The following FMN2 variants were observed in gnomAD, a reference collection of about 807,000 sequenced individuals.
FMN2 encodes the protein formin 2.
Under a neutral mutation model 142.3 loss-of-function variants are expected in FMN2, and 51 were observed. That is an observed-to-expected ratio of 0.36 (90% CI 0.29 to 0.45). The LOEUF is 0.45. FMN2 is among the 20% of genes least tolerant of loss of function. The pLI, the probability that FMN2 is intolerant of heterozygous loss-of-function variation, is 1.00. For missense variants in FMN2, 1,936 were observed against 2,122.8 expected (o/e 0.91, Z 1.73); for synonymous variants, 882 against 869.8 (o/e 1.01, Z -0.25).
intron 6 of FMN2, among the ~76,000 whole-genome samples, chr1:240,220,669 G>A (rs1238115897): frequency 1.5e-5 from 1 of 65,244 alleles, no homozygotes; most frequent in African/African-American, 4.8e-5. Flanking sequence ...GTCTGTGTTT[G>A]TGTGTGTGTG....
chr1:240,354,951 C>T (rs12745566), intron 13 of FMN2, among the ~76,000 whole-genome samples: 42,652 of 151,800 alleles, frequency 0.28, 6,304 homozygotes, highest in Admixed American at 0.43. Context: ...TTACTGGCTC[C>T]GGTTTCTTGC....
At chr1:240,327,555 G>T (rs1671212308) in intron 8 of FMN2, among the ~76,000 whole-genome samples, 1 of 152,096 alleles carries the variant, frequency 6.6e-6, no homozygotes, top group Admixed American at 6.5e-5. Context: ...TAATATAGTG[G>T]TCTATTCTTA....
intron 2 of FMN2, among the ~76,000 whole-genome samples, chr1:240,164,090 G>A (rs1416575156): frequency 6.6e-6 from 1 of 152,092 alleles, no homozygotes; most frequent in Non-Finnish European, 1.5e-5. Flanking sequence ...GTAAAGGCAA[G>A]ATTTTACTAT....
chr1:240,422,012 C>T (rs1242000995), intron 15 of FMN2, among the ~76,000 whole-genome samples: 1 of 152,086 alleles, frequency 6.6e-6, no homozygotes, highest in Non-Finnish European at 1.5e-5. Context: ...GAGAACTGGA[C>T]CTGCATGGGG....
At chr1:240,334,794 A>G (rs776608627) in intron 13 of FMN2, among the ~76,000 whole-genome samples, 16 of 152,170 alleles carry the variant, frequency 1.1e-4, no homozygotes, top group Non-Finnish European at 1.9e-4. Flanking sequence ...TAGTTTGCAG[A>G]TTTTTTTATT....
At chr1:240,185,697 G>A (rs545075414) in intron 3 of FMN2, among the ~76,000 whole-genome samples, 1 of 152,310 alleles carries the variant, frequency 6.6e-6, no homozygotes, top group South Asian at 2.1e-4. Context: ...AGCATTTTAT[G>A]CATTTCTAAT....
chr1:240,257,199 T>C (rs1027243624), intron 6 of FMN2, among the ~76,000 whole-genome samples: 6 of 152,150 alleles, frequency 3.9e-5, no homozygotes, highest in Non-Finnish European at 5.9e-5. Context: ...AAAAAATATC[T>C]ATCTGTTCTG....
At chr1:240,166,864 G>A (rs1370840242) in intron 2 of FMN2, among the ~76,000 whole-genome samples, 2 of 152,224 alleles carry the variant, frequency 1.3e-5, no homozygotes, top group African/African-American at 2.4e-5. Flanking sequence ...GCTCACGCCT[G>A]TAATCCCAGA....
chr1:240,473,991 T>C lies in FMN2; in HGVS notation c.5143-137T>C. 3.0e-6 allele frequency: 2 copies of C among 665,834 alleles called. No individual in the cohort carries two copies. The highest frequency in any genetic ancestry group is 5.0e-6 in the Non-Finnish European group (2 of 403,728). 41.2% of individuals were successfully genotyped at this position (665,834 alleles called of 1,614,324 possible). A position where few individuals can be genotyped will look rare whatever the true frequency, so the allele number is the denominator to read the frequency against. On this transcript the variant is annotated intron_variant, in intron 17 of 17. Transcript: ENST00000319653. The surrounding 1 kb of genome is among the most constrained non-coding windows in gnomAD (Gnocchi z 4.3). Reference sequence around the variant, plus strand: ...AGATCCCACTTATACTTTTTTCCTTTATGGACTGGTAGACCTTTAACCTTG... The same window carrying C: ...AGATCCCACTTATACTTTTTTCCTTCATGGACTGGTAGACCTTTAACCTTG...
chr1:240,389,358 C>G (rs1354259185), intron 14 of FMN2, among the ~76,000 whole-genome samples: 12 of 152,048 alleles, frequency 7.9e-5, no homozygotes, highest in Admixed American at 7.9e-4. Context: ...TAGAAAATCA[C>G]CTTATTTTCT....
At chr1:240,178,858 T>G (rs992185489) in intron 3 of FMN2, among the ~76,000 whole-genome samples, 12 of 152,206 alleles carry the variant, frequency 7.9e-5, no homozygotes, top group Admixed American at 2.0e-4. Flanking sequence ...CATAGATTTC[T>G]CCTCCACCCG....
intron 1 of FMN2, among the ~76,000 whole-genome samples, chr1:240,115,517 C>G (rs1313437421): frequency 6.6e-6 from 1 of 152,156 alleles, no homozygotes; most frequent in Admixed American, 6.5e-5. Context: ...CCCCTTAAAG[C>G]TTTCCTTGTC....
intron 1 of FMN2, among the ~76,000 whole-genome samples, chr1:240,121,989 A>T (rs1328679046): frequency 6.6e-6 from 1 of 151,902 alleles, no homozygotes; most frequent in East Asian, 1.9e-4. Flanking sequence ...AAATGGCGGC[A>T]TGATGCGTTA....
chr1:240,175,259 T>A (rs1302420231), intron 2 of FMN2, among the ~76,000 whole-genome samples: 1 of 152,212 alleles, frequency 6.6e-6, no homozygotes, highest in African/African-American at 2.4e-5. Flanking sequence ...CTTCCACCTT[T>A]CGGCTGTTGT....
At chr1:240,431,766 CTGAT>C (rs923519177) in intron 15 of FMN2, among the ~76,000 whole-genome samples, 2 of 151,408 alleles carry the variant, frequency 1.3e-5, no homozygotes, top group African/African-American at 4.8e-5. Flanking sequence ...GCAAATTACA[CTGAT>C]TGCTTTCACT....
At chr1:240,327,177 A>ATAT (rs1210983091) in intron 8 of FMN2, among the ~76,000 whole-genome samples, 1 of 152,204 alleles carries the variant, frequency 6.6e-6, no homozygotes, top group African/African-American at 2.4e-5. Flanking sequence ...GTAGCTTGGG[A>ATAT]TATTTGCAGT....
intron 1 of FMN2, among the ~76,000 whole-genome samples, chr1:240,107,254 A>G (rs1345773304): frequency 6.6e-6 from 1 of 151,948 alleles, no homozygotes; most frequent in East Asian, 1.9e-4. Flanking sequence ...GTGAAGATCA[A>G]ATGGGGTGGT....
At chr1:240,335,923 C>A (rs894390806) in intron 13 of FMN2, among the ~76,000 whole-genome samples, 3 of 152,012 alleles carry the variant, frequency 2.0e-5, no homozygotes, top group African/African-American at 7.2e-5. Context: ...ACAGGCAGAT[C>A]ACCTGAGGTC....
At chr1:240,411,690 C>T (rs1216375173) in intron 15 of FMN2, among the ~76,000 whole-genome samples, 1 of 147,908 alleles carries the variant, frequency 6.8e-6, no homozygotes, top group Non-Finnish European at 1.5e-5. Flanking sequence ...AAACATAGAA[C>T]TTAGGGATTG....
Sources: allele counts gnomAD v4.1 joint callset (sites outside exome capture counted in the v4.1 genomes callset), GRCh38; gene constraint gnomAD v4.1.1; non-coding constraint Gnocchi (gnomAD v3.1); transcripts MANE v1.5; gene names NCBI Gene and HGNC (gene_info 2026-07-23, HGNC 2026-07-21).